The following PC variants were observed in gnomAD, a reference collection of about 807,000 sequenced individuals.
PC encodes the protein pyruvate carboxylase.
Under a neutral mutation model 107.8 loss-of-function variants are expected in PC, and 46 were observed. The ratio of observed to expected loss-of-function variants is 0.43; its 90% CI spans 0.34 to 0.55. The LOEUF is 0.55. Among genes scored for constraint, PC ranks in the 20% least tolerant of loss-of-function variants. The pLI, the probability that PC is intolerant of heterozygous loss-of-function variation, is 0.04. For missense variants in PC, 1,241 were observed against 1,643.1 expected (o/e 0.76, Z 4.23); for synonymous variants, 662 against 684.7 (o/e 0.97, Z 0.52).
rs1395326632 is a variant in PC at position 66,872,021 on chromosome 11, C to T, written c.136+3G>A. 11 of 1,559,196 alleles carry T rather than the reference C, an allele frequency of 7.1e-6. No homozygotes were observed. Among genetic ancestry groups the T allele is most frequent in the Non-Finnish European group, 8.7e-6 (10 of 1,151,456 alleles). On this transcript the variant is annotated splice_donor_region_variant and intron_variant, in intron 4 of 22. Coordinates refer to ENST00000393960, the MANE Select transcript of PC (RefSeq NM_001040716.2). The stretch of plus-strand genomic sequence containing the variant: ...TCCTCTCACCGGCCCCACTGGTGCT[C>T]ACCTCTGTTGGCCACCATGACTTTC...
At chr11:66,952,004 T>C (rs895437033) in intron 3 of PC, among the ~76,000 whole-genome samples, 5 of 151,390 alleles carry the variant, frequency 3.3e-5, no homozygotes, top group African/African-American at 4.9e-5. Context: ...CTGGCAAAGG[T>C]TGAGCGTCAC....
chr11:66,934,644 G>C (rs914122420), intron 3 of PC: 4 of 152,462 alleles, frequency 2.6e-5, no homozygotes, highest in Admixed American at 6.5e-5. Context: ...TTTTGTTTTT[G>C]TTTTTGAGAT....
Position 66,937,997 on chromosome 11 carries a change from C to T in PC, c.-1+14433G>A, listed in dbSNP as rs1292184314. On this transcript the variant is annotated intron_variant, in intron 3 of 22. Coordinates refer to ENST00000393960, the MANE Select transcript of PC (RefSeq NM_001040716.2). Reference sequence around the variant, plus strand: ...TTCACTGTGTTAGCCAGGATGGTCTCGATCTCTCGACCTCGTGATCCACCT... The same window carrying T: ...TTCACTGTGTTAGCCAGGATGGTCTTGATCTCTCGACCTCGTGATCCACCT... 5.3e-5 allele frequency among the ~76,000 whole-genome samples: 8 copies of T among 152,148 alleles called. No homozygotes were observed. In the East Asian group the frequency reaches 5.8e-4, roughly 11 times the overall value.
Position 66,870,768 on chromosome 11 carries a change from C to T in PC, c.751+7G>A, listed in dbSNP as rs1392840035. On this transcript the variant is annotated splice_region_variant and intron_variant, in intron 8 of 22. Transcript: ENST00000393960. The surrounding 1 kb of genome is among the most constrained non-coding windows in gnomAD (Gnocchi z 6.1). ...GCTGCCCCAGGCGGGGCGTCAGGAC[C>T]ACTCACCCAAGATCTGCACCTCGAT... 1 of 1,609,718 alleles carries T rather than the reference C, an allele frequency of 6.2e-7. No individual in the cohort carries two copies. The highest frequency in any genetic ancestry group is 8.5e-7 in the Non-Finnish European group (1 of 1,178,324).
At chr11:66,941,438 G>A (rs1949126754) in intron 3 of PC, among the ~76,000 whole-genome samples, 1 of 152,200 alleles carries the variant, frequency 6.6e-6, no homozygotes, top group Non-Finnish European at 1.5e-5. Context: ...ACCAAGCCAA[G>A]TGTCCACAGA....
intron 16 of PC, 117 bp from the exon 17 acceptor site, chr11:66,851,397 C>T: frequency 6.9e-7 from 1 of 1,455,790 alleles, no homozygotes; most frequent in Non-Finnish European, 9.4e-7. Context: ...GAGGGTCTCG[C>T]CTGGCAGGGG....
At chr11:66,939,804 C>CAAAAAAAAAAAAAAAAA (rs56761659) in intron 3 of PC, among the ~76,000 whole-genome samples, 2 of 40,148 alleles carry the variant, frequency 5.0e-5, no homozygotes, top group Non-Finnish European at 8.3e-5. Context: ...AACTCCGTCT[C>CAAAAAAAAAAAAAAAAA]AAAAAAAAAA....
chr11:66,859,314 C>T (rs1946095092), intron 12 of PC, among the ~76,000 whole-genome samples: 2 of 152,194 alleles, frequency 1.3e-5, no homozygotes, highest in South Asian at 4.1e-4. Context: ...CGAGATGTCC[C>T]AGGTGTCACT....
chr11:66,895,797 G>T (rs1267764600), intron 3 of PC, among the ~76,000 whole-genome samples: 1 of 152,010 alleles, frequency 6.6e-6, no homozygotes, highest in South Asian at 2.1e-4. Context: ...AAAACAGAGG[G>T]CAAGAAAAGG....
At position 66,849,985 on chromosome 11, in the gene PC, G is replaced by T. The variant is rs147556119; in HGVS notation, c.2850C>A (p.Gly950=). The T allele has an allele frequency of 6.2e-7, 1 of 1,613,548 alleles. No homozygotes were observed. The highest frequency in any genetic ancestry group is 8.5e-7 in the Non-Finnish European group (1 of 1,180,048). Residue 950 remains glycine, a synonymous_variant, in exon 20 of 23, where the codon GGC becomes GGA. Transcript: ENST00000393960. ...ACCCCCCATGGGGGACACCGATGTA[G>T]CCCTGCAGGAACTCCACCACGGAGC... is the stretch of plus-strand genomic sequence containing the variant. ...FPRSVVEFLQ[G]YIGVPHGGFP... is the part of the protein sequence containing the mutation.
intron 3 of PC, among the ~76,000 whole-genome samples, chr11:66,931,405 A>G (rs1375733800): frequency 6.6e-6 from 1 of 150,736 alleles, no homozygotes. Flanking sequence ...AAAAAAAAAA[A>G]AGGAATAGCT....
At chr11:66,887,668 A>G (rs1327079528) in intron 3 of PC, among the ~76,000 whole-genome samples, 1 of 152,352 alleles carries the variant, frequency 6.6e-6, no homozygotes, top group East Asian at 1.9e-4. Context: ...AGGGGAGACG[A>G]GAGAGCCAGG....
chr11:66,936,877 G>A (rs1450932458), intron 3 of PC, among the ~76,000 whole-genome samples: 1 of 151,804 alleles, frequency 6.6e-6, no homozygotes, highest in Non-Finnish European at 1.5e-5. Flanking sequence ...TGTCACCCAG[G>A]CTCCCAGGCT....
chr11:66,871,590 C>T lies in PC; in HGVS notation c.321+97G>A. 2 of 1,579,990 alleles carry T rather than the reference C, an allele frequency of 1.3e-6. No individual in the cohort carries two copies. Among genetic ancestry groups the T allele is most frequent in the Non-Finnish European group, 1.7e-6 (2 of 1,154,278 alleles). ...AGCTGCATCCGTTTACCCACCCACG[C>T]ACAGAGGCGCTGAGCACGCCAGCCT... On this transcript the variant is annotated intron_variant, in intron 5 of 22. Transcript: ENST00000393960. The surrounding 1 kb of genome is among the most constrained non-coding windows in gnomAD (Gnocchi z 7.4).
intron 3 of PC, among the ~76,000 whole-genome samples, chr11:66,922,086 A>G (rs1948610080): frequency 6.6e-6 from 1 of 152,198 alleles, no homozygotes; most frequent in Non-Finnish European, 1.5e-5. Context: ...CAATCCCAGA[A>G]TAGATTTACT....
Position 66,871,216 on chromosome 11 carries a change from G to C in PC, c.488-19C>G, listed in dbSNP as rs1239946430. 1.2e-6 allele frequency: 2 copies of C among 1,612,944 alleles called. No individual in the cohort carries two copies. The highest frequency in any genetic ancestry group is 1.1e-5 in the South Asian group (1 of 91,016). ...GGAACACCTGTTGGGAGAAAGGTGT[G>C]GGGGAGTCTCTGTAACAGGCGGGAA... is the stretch of plus-strand genomic sequence containing the variant. On this transcript the variant is annotated intron_variant, in intron 6 of 22. Transcript: ENST00000393960. The surrounding 1 kb of genome is among the most constrained non-coding windows in gnomAD (Gnocchi z 7.4).
chr11:66,866,883 G>A lies in PC; in HGVS notation c.1023-534C>T, dbSNP rs1477018973. Among the ~76,000 whole-genome samples the A allele has an allele frequency of 2.0e-5, 3 of 152,204 alleles. No individual in the cohort carries two copies. The highest frequency in any genetic ancestry group is 7.2e-5 in the African/African-American group (3 of 41,448). On this transcript the variant is annotated intron_variant, in intron 10 of 22. Coordinates refer to ENST00000393960, the MANE Select transcript of PC (RefSeq NM_001040716.2). This position sits in a 1 kb window ranked among gnomAD's most constrained non-coding sequence, Gnocchi z 5.4. ...TGGGCTCCTCGAAATGGTAACCACA[G>A]CTGTGAGAGGGTTGCACAGTGGGTG... is the stretch of plus-strand genomic sequence containing the variant.
chr11:66,926,708 G>A (rs1305556494), intron 3 of PC, among the ~76,000 whole-genome samples: 2 of 152,120 alleles, frequency 1.3e-5, no homozygotes, highest in Non-Finnish European at 2.9e-5. Context: ...ACCACTAGCT[G>A]TCATTCCCCA....
chr11:66,849,550 A>T, intron 21 of PC, 61 bp downstream of exon 21: 1 of 1,613,164 alleles, frequency 6.2e-7, no homozygotes, highest in Non-Finnish European at 8.5e-7. Context: ...GCCAAGCTAA[A>T]CTCCAGAGCT....
Sources: allele counts gnomAD v4.1 joint callset (sites outside exome capture counted in the v4.1 genomes callset), GRCh38; gene constraint gnomAD v4.1.1; non-coding constraint Gnocchi (gnomAD v3.1); transcripts MANE v1.5; gene names NCBI Gene and HGNC (gene_info 2026-07-23, HGNC 2026-07-21).